Variants in PTPRD observed in about 807,000 individuals in gnomAD.
The protein encoded by PTPRD is protein tyrosine phosphatase receptor type D.
In PTPRD, 34 loss-of-function variants were observed where a neutral mutation model predicts 214.5. The ratio of observed to expected loss-of-function variants is 0.16; its 90% CI spans 0.12 to 0.21. The LOEUF is 0.21. Ranked by LOEUF, PTPRD falls within the 10% of genes least tolerant of loss-of-function variation. PTPRD has a pLI of 1.00. For missense variants in PTPRD, 2,545 were observed against 2,398.7 expected (o/e 1.06, Z -1.27); for synonymous variants, 1,128 against 845.7 (o/e 1.33, Z -5.79).
intron 3 of PTPRD, among the ~76,000 whole-genome samples, chr9:10,092,948 A>C (rs375498825): frequency 1.3e-5 from 2 of 151,862 alleles, no homozygotes; most frequent in Non-Finnish European, 2.9e-5. Context: ...TACAAAAATT[A>C]ACTCAAGATA....
intron 12 of PTPRD, among the ~76,000 whole-genome samples, chr9:8,718,123 T>C (rs143070744): frequency 2.4e-3 from 359 of 152,306 alleles, no homozygotes; most frequent in African/African-American, 8.3e-3. Context: ...GGGAGAATGC[T>C]TGTAAAGCTG....
At chr9:9,464,075 T>C (rs1340739625) in intron 8 of PTPRD, among the ~76,000 whole-genome samples, 2 of 152,210 alleles carry the variant, frequency 1.3e-5, no homozygotes, top group Admixed American at 6.5e-5. Context: ...TTAATTTTAG[T>C]TCGTTGAAGA....
chr9:9,984,897 ACC>A (rs2095658069), intron 4 of PTPRD, among the ~76,000 whole-genome samples: 1 of 152,146 alleles, frequency 6.6e-6, no homozygotes, highest in South Asian at 2.1e-4. Flanking sequence ...AACCATGCAC[ACC>A]CAAAAACCAA....
chr9:8,710,109 A>G (rs116506600), intron 12 of PTPRD, among the ~76,000 whole-genome samples: 1,771 of 152,342 alleles, frequency 0.012, 27 homozygotes, highest in African/African-American at 0.032. Flanking sequence ...GTGCACGCAC[A>G]TCCTAAGTGC....
At chr9:10,116,073 A>T (rs907880982) in intron 3 of PTPRD, among the ~76,000 whole-genome samples, 4 of 152,106 alleles carry the variant, frequency 2.6e-5, no homozygotes, top group Non-Finnish European at 4.4e-5. Context: ...TTGTATTTAT[A>T]ATTATATCAG....
chr9:8,859,805 G>GGC (rs988439550), intron 11 of PTPRD, among the ~76,000 whole-genome samples: 5 of 53,620 alleles, frequency 9.3e-5, no homozygotes, highest in East Asian at 2.7e-3. Context: ...CCAGCAATTT[G>GGC]GGGGTGGGGG....
At chr9:9,283,475 AT>A (rs5896316) in intron 9 of PTPRD, among the ~76,000 whole-genome samples, 92,097 of 151,012 alleles carry the variant, frequency 0.61, 28,784 homozygotes, top group African/African-American at 0.74. Flanking sequence ...AATGTCTATA[AT>A]TTTAGCTTTA....
intron 27 of PTPRD, 89 bp from the exon 28 acceptor site, chr9:8,486,438 G>T: frequency 1.8e-6 from 2 of 1,130,566 alleles, no homozygotes; most frequent in Non-Finnish European, 2.7e-6. Context: ...CACTCTACTG[G>T]TATTCCCATT....
intron 8 of PTPRD, among the ~76,000 whole-genome samples, chr9:9,490,557 A>G (rs2095851970): frequency 6.6e-6 from 1 of 152,032 alleles, no homozygotes; most frequent in Admixed American, 6.6e-5. Context: ...ACAATGTATA[A>G]AAATGAAATT....
intron 4 of PTPRD, among the ~76,000 whole-genome samples, chr9:9,980,383 G>A (rs980556551): frequency 6.6e-6 from 1 of 151,656 alleles, no homozygotes; most frequent in Non-Finnish European, 1.5e-5. Context: ...CGAGGTGGGC[G>A]GATCACCTGA....
chr9:10,318,757 G>A (rs2096493889), intron 3 of PTPRD, among the ~76,000 whole-genome samples: 3 of 152,006 alleles, frequency 2.0e-5, no homozygotes, highest in Admixed American at 2.0e-4. Flanking sequence ...GGCTAGGGGT[G>A]GTTGCCACCA....
chr9:8,762,419 G>A (rs2094468374), intron 11 of PTPRD, among the ~76,000 whole-genome samples: 1 of 152,058 alleles, frequency 6.6e-6, no homozygotes, highest in Non-Finnish European at 1.5e-5. Flanking sequence ...ATAGAATACA[G>A]ATTTACAAAT....
chr9:10,198,755 T>C (rs545968623), intron 3 of PTPRD, among the ~76,000 whole-genome samples: 2 of 152,238 alleles, frequency 1.3e-5, no homozygotes, highest in East Asian at 3.9e-4. Flanking sequence ...GATAGAAAAA[T>C]GAATCCATTA....
intron 5 of PTPRD, among the ~76,000 whole-genome samples, chr9:9,806,582 C>T (rs182187723): frequency 1.3e-5 from 2 of 152,208 alleles, no homozygotes; most frequent in Non-Finnish European, 1.5e-5. Context: ...CTATGCCAAA[C>T]CTGTAAGAAC....
At chr9:8,487,499 T>C (rs1563753959) in intron 27 of PTPRD, among the ~76,000 whole-genome samples, 1 of 151,788 alleles carries the variant, frequency 6.6e-6, no homozygotes, top group Non-Finnish European at 1.5e-5. Flanking sequence ...GGAGCTGAGG[T>C]GGGAGGACTG....
At chr9:8,662,685 C>G (rs866915283) in intron 12 of PTPRD, among the ~76,000 whole-genome samples, 5 of 152,160 alleles carry the variant, frequency 3.3e-5, no homozygotes, top group Non-Finnish European at 5.9e-5. Context: ...TACTGCCTTT[C>G]CCTCAAATCA....
chr9:10,265,815 C>G (rs901587260), intron 3 of PTPRD, among the ~76,000 whole-genome samples: 1 of 152,192 alleles, frequency 6.6e-6, no homozygotes, highest in African/African-American at 2.4e-5. Flanking sequence ...CAAAACCTAA[C>G]TGATACTTTG....
At chr9:9,228,659 T>C (rs2099961079) in intron 9 of PTPRD, among the ~76,000 whole-genome samples, 1 of 152,130 alleles carries the variant, frequency 6.6e-6, no homozygotes, top group African/African-American at 2.4e-5. Context: ...TTTCTGTTCC[T>C]GCATTTGTAA....
chr9:8,470,354 A>G (rs1390163499), intron 31 of PTPRD, among the ~76,000 whole-genome samples: 1 of 152,130 alleles, frequency 6.6e-6, no homozygotes, highest in African/African-American at 2.4e-5. Context: ...GAAGAGTACC[A>G]ATTATAATGC....
Sources: gnomAD v4.1 joint callset for allele counts (sites outside exome capture counted in the v4.1 genomes callset) on GRCh38, gnomAD v4.1.1 for gene constraint, MANE v1.5 for transcripts, NCBI Gene and HGNC (gene_info 2026-07-23, HGNC 2026-07-21) for gene names.